The following IGFBP7 variants were observed in gnomAD, a reference collection of about 807,000 sequenced individuals.
The protein encoded by IGFBP7 is insulin like growth factor binding protein 7, also known as insulin-like growth factor-binding protein 7.
A neutral mutation model predicts 29.4 loss-of-function variants in IGFBP7; 31 were observed. The observed-to-expected ratio is 1.05, with a 90% CI of 0.79 to 1.42. The LOEUF is 1.42. Among genes scored for constraint, IGFBP7 ranks in the 40% most tolerant of loss-of-function variants. The probability of loss-of-function intolerance (pLI) is 0.00; values close to 1 mark genes in which losing one functional copy is unlikely to be tolerated. For synonymous variants in IGFBP7, 172 were observed against 174.9 expected, an observed-to-expected ratio of 0.98 and a Z score of 0.13; for missense variants, 393 against 395.5, an observed-to-expected ratio of 0.99 and a Z score of 0.05.
intron 1 of IGFBP7, among the ~76,000 whole-genome samples, chr4:57,044,992 T>C (rs1398015148): frequency 6.6e-6 from 1 of 152,164 alleles, no homozygotes; most frequent in East Asian, 1.9e-4. Context: ...TTATGGGTGT[T>C]AGCAACAGTG....
At chr4:57,045,437 G>C (rs949114838) in intron 1 of IGFBP7, among the ~76,000 whole-genome samples, 5 of 152,218 alleles carry the variant, frequency 3.3e-5, no homozygotes, top group Admixed American at 2.6e-4. Context: ...TAAGAAATAA[G>C]GCTACAGAAC....
intron 1 of IGFBP7, among the ~76,000 whole-genome samples, chr4:57,103,295 C>T (rs1725942036): frequency 6.6e-6 from 1 of 152,188 alleles, no homozygotes; most frequent in Admixed American, 6.5e-5. Context: ...AGCTCCATCA[C>T]TCAGCGCTCC....
intron 1 of IGFBP7, among the ~76,000 whole-genome samples, chr4:57,086,819 C>T (rs558167093): frequency 7.9e-5 from 12 of 152,200 alleles, no homozygotes; most frequent in Non-Finnish European, 1.5e-4. Flanking sequence ...CTGCAACCTC[C>T]GCCTCCCAAG....
rs371933194 is a variant in IGFBP7, at chr4:57,109,982, C to G, written c.370G>C (p.Gly124Arg). 3 of 1,545,372 alleles carry G rather than the reference C, an allele frequency of 1.9e-6. No homozygotes were observed. Among genetic ancestry groups the G allele is most frequent in the Non-Finnish European group, 2.6e-6 (3 of 1,151,342 alleles). The stretch of plus-strand genomic sequence containing the variant: ...TGGCAGCCGCTCGGGTAGGTGGTGC[C>G]GTCGCTGCCGCACACCGGGTAGCGG... The part of the protein sequence containing the change: ...KSRYPVCGSD[G>R]TTYPSGCQLR... Residue 124 changes from glycine to arginine, a missense_variant, in exon 1 of 5, where the codon GGC (glycine) becomes CGC (arginine). Gly to Arg is a moderately radical substitution (Grantham distance 125). Transcript: ENST00000295666.
In IGFBP7 at chr4:57,031,227, T is replaced by C. The variant is rs1484145857; in HGVS notation, c.*90A>G. On this transcript the variant is annotated 3_prime_UTR_variant, in exon 5 of 5. Coordinates refer to ENST00000295666, the MANE Select transcript of IGFBP7 (RefSeq NM_001553.3). ...TGAATATAACTAAAGTGTTAGTGGATTGGATTAAAAGAAACTTATTAGGCA... is the reference window on the plus strand; with the variant it reads ...TGAATATAACTAAAGTGTTAGTGGACTGGATTAAAAGAAACTTATTAGGCA... The C allele has an allele frequency of 5.6e-6, 6 of 1,075,442 alleles. No homozygotes were observed. The highest frequency in any genetic ancestry group is 8.6e-6 in the Non-Finnish European group (6 of 701,744). The allele number at this position is 1,075,442 out of a possible 1,614,324, so 66.6% of individuals were successfully genotyped here.
chr4:57,055,673 A>C (rs112293844), intron 1 of IGFBP7, among the ~76,000 whole-genome samples: 1 of 151,862 alleles, frequency 6.6e-6, no homozygotes, highest in Non-Finnish European at 1.5e-5. Flanking sequence ...TTCCATTTTC[A>C]TAAAATAGGG....
At chr4:57,038,545 G>C (rs11573121) in intron 2 of IGFBP7, among the ~76,000 whole-genome samples, 1 of 152,038 alleles carries the variant, frequency 6.6e-6, no homozygotes. Flanking sequence ...AGTCCTCCTG[G>C]AGTTCTAGAA....
intron 1 of IGFBP7, among the ~76,000 whole-genome samples, chr4:57,078,346 A>G (rs998599418): frequency 5.3e-5 from 8 of 152,202 alleles, no homozygotes; most frequent in Admixed American, 2.6e-4. Context: ...TTAAAAAGCT[A>G]GACACCTCCT....
chr4:57,031,330 C>T lies in IGFBP7; in HGVS notation c.836G>A (p.Gly279Asp). 1 of 1,602,376 alleles carries T rather than the reference C, an allele frequency of 6.2e-7. No individual in the cohort carries two copies. The change falls in exon 5 of 5, where the codon GGT becomes GAT. Residue 279 changes from glycine to aspartate, a missense_variant. Physicochemically the swap from Gly to Asp is moderately conservative, Grantham distance 94. Coordinates refer to ENST00000295666, the MANE Select transcript of IGFBP7 (RefSeq NM_001553.3). ...LHEIPVKKGE[G>D]AEL Reference sequence around the variant, plus strand: ...TATTCTGGAGGTTTATAGCTCGGCACCTTCACCTGTTTAAAAAAAAAAAAA... The same window carrying T: ...TATTCTGGAGGTTTATAGCTCGGCATCTTCACCTGTTTAAAAAAAAAAAAA...
chr4:57,040,501 GAC>G (rs1166524354), intron 2 of IGFBP7, among the ~76,000 whole-genome samples: 1 of 152,138 alleles, frequency 6.6e-6, no homozygotes, highest in Non-Finnish European at 1.5e-5. Flanking sequence ...CGCAAACACA[GAC>G]ACACACACTT....
chr4:57,049,036 G>T (rs899417987), intron 1 of IGFBP7, among the ~76,000 whole-genome samples: 1 of 152,156 alleles, frequency 6.6e-6, no homozygotes, highest in African/African-American at 2.4e-5. Flanking sequence ...AAGTCTCACT[G>T]TCTGGGTCTG....
chr4:57,038,849 C>T (rs1277945992), intron 2 of IGFBP7, among the ~76,000 whole-genome samples: 5 of 151,948 alleles, frequency 3.3e-5, no homozygotes, highest in Non-Finnish European at 7.4e-5. Context: ...GGCGTATCAC[C>T]TGAGGTCGGG....
intron 1 of IGFBP7, among the ~76,000 whole-genome samples, chr4:57,084,781 A>G (rs1160570024): frequency 2.3e-5 from 1 of 44,084 alleles, no homozygotes; most frequent in Non-Finnish European, 8.9e-5. Flanking sequence ...TCAGATGTTT[A>G]AAAAAGGTTT....
At chr4:57,055,434 A>G (rs2109759712) in intron 1 of IGFBP7, among the ~76,000 whole-genome samples, 1 of 152,328 alleles carries the variant, frequency 6.6e-6, no homozygotes, top group East Asian at 1.9e-4. Context: ...AGGAAGGTGG[A>G]AAGTTAGAAA....
intron 1 of IGFBP7, among the ~76,000 whole-genome samples, chr4:57,042,057 C>T (rs376505422): frequency 2.6e-5 from 4 of 152,196 alleles, no homozygotes; most frequent in African/African-American, 4.8e-5. Flanking sequence ...CCTCAAGCCA[C>T]GGCCTAAATA....
intron 1 of IGFBP7, among the ~76,000 whole-genome samples, chr4:57,083,114 T>G (rs992834226): frequency 1.3e-5 from 2 of 152,250 alleles, no homozygotes; most frequent in Admixed American, 1.3e-4. Flanking sequence ...ATAAATATTC[T>G]TAATACTTAT....
intron 1 of IGFBP7, among the ~76,000 whole-genome samples, chr4:57,059,971 A>C (rs1283874793): frequency 6.6e-6 from 1 of 152,212 alleles, no homozygotes; most frequent in Non-Finnish European, 1.5e-5. Flanking sequence ...AGCATTAAGC[A>C]GGTGAAAACA....
intron 1 of IGFBP7, among the ~76,000 whole-genome samples, chr4:57,042,193 A>G (rs79056480): frequency 0.016 from 2,370 of 152,224 alleles, 57 homozygotes; most frequent in African/African-American, 0.054. Context: ...CTCAGAGTCA[A>G]CACAAACCAT....
At chr4:57,046,021 C>T (rs368612758) in intron 1 of IGFBP7, among the ~76,000 whole-genome samples, 180 of 151,742 alleles carry the variant, frequency 1.2e-3, no homozygotes, top group African/African-American at 3.8e-3. Flanking sequence ...CCACTGCACG[C>T]GACCAAAATC....
Sources: gnomAD v4.1 joint callset for allele counts (sites outside exome capture counted in the v4.1 genomes callset) on GRCh38, gnomAD v4.1.1 for gene constraint, MANE v1.5 for transcripts, NCBI Gene and HGNC (gene_info 2026-07-23, HGNC 2026-07-21) for gene names.